CSNK2A2: variants seen among roughly 807,000 people sequenced by gnomAD.
The protein encoded by CSNK2A2 is casein kinase 2 alpha 2, also known as casein kinase II subunit alpha'.
A neutral mutation model predicts 54.0 loss-of-function variants in CSNK2A2; 8 were observed. The observed-to-expected ratio is 0.15, with a 90% CI of 0.09 to 0.27. The LOEUF is 0.27. CSNK2A2 is among the 10% of genes least tolerant of loss of function. CSNK2A2 has a pLI of 1.00. For missense variants in CSNK2A2, 242 were observed against 439.4 expected (o/e 0.55, Z 4.02); for synonymous variants, 141 against 153.9 (o/e 0.92, Z 0.62).
intron 4 of CSNK2A2, among the ~76,000 whole-genome samples, chr16:58,176,938 T>C (rs1007099727): frequency 2.6e-5 from 4 of 152,210 alleles, no homozygotes; most frequent in Non-Finnish European, 5.9e-5. Context: ...CTGTGCTTCG[T>C]GGCATACACA....
rs1962521928 is a variant in CSNK2A2 at position 58,197,996 on chromosome 16, G to C, written c.-260C>G. 1.4e-5 allele frequency: 2 copies of C among 145,360 alleles called. No homozygotes were observed. The highest frequency in any genetic ancestry group is 5.0e-5 in the African/African-American group (2 of 40,338). The allele number at this position is 145,360 out of a possible 1,614,324, so 9.0% of individuals were successfully genotyped here. On this transcript the variant is annotated 5_prime_UTR_variant, in exon 1 of 12. Coordinates refer to ENST00000262506, the MANE Select transcript of CSNK2A2 (RefSeq NM_001896.4). The surrounding 1 kb of genome is among the most constrained non-coding windows in gnomAD (Gnocchi z 4.0). ...GCGGGCGGCGCTCGCGCTCCGCGGC[G>C]GTCTCCGCTCGGCTCGCGGCCCCCA...
chr16:58,191,517 A>G (rs1962321101), intron 2 of CSNK2A2, among the ~76,000 whole-genome samples: 1 of 151,978 alleles, frequency 6.6e-6, no homozygotes, highest in Non-Finnish European at 1.5e-5. Context: ...ACCCGCCACC[A>G]TGGCCAACTA....
At chr16:58,168,087 T>C (rs1961618480) in intron 6 of CSNK2A2, among the ~76,000 whole-genome samples, 1 of 152,162 alleles carries the variant, frequency 6.6e-6, no homozygotes, top group African/African-American at 2.4e-5. Flanking sequence ...GCAGTTACAC[T>C]TGGTAACACA....
intron 2 of CSNK2A2, among the ~76,000 whole-genome samples, chr16:58,188,226 C>A (rs1962240654): frequency 6.6e-6 from 1 of 152,230 alleles, no homozygotes; most frequent in South Asian, 2.1e-4. Flanking sequence ...TCGCTGCGTC[C>A]TTGTGAGCCA....
intron 6 of CSNK2A2, among the ~76,000 whole-genome samples, chr16:58,168,185 T>A (rs16959755): frequency 3.3e-5 from 5 of 151,950 alleles, no homozygotes; most frequent in Admixed American, 2.6e-4. Flanking sequence ...GACTGAAGCA[T>A]TGCTCTAATG....
intron 11 of CSNK2A2, chr16:58,160,444 G>C (rs906784486): frequency 6.6e-6 from 1 of 152,164 alleles, no homozygotes; most frequent in Non-Finnish European, 1.5e-5. Context: ...ATCTATTTCA[G>C]TTCATATAAA....
At chr16:58,159,961 C>T (rs1182460747) in intron 11 of CSNK2A2, 1 of 152,132 alleles carries the variant, frequency 6.6e-6, no homozygotes, top group Non-Finnish European at 1.5e-5. Context: ...TTAAGTATCA[C>T]ATTTGTAGCA....
Position 58,181,857 on chromosome 16 carries a change from G to C in CSNK2A2, c.369+2403C>G, listed in dbSNP as rs540811200. On this transcript the variant is annotated intron_variant, in intron 4 of 11. Transcript: ENST00000262506. ...GAAGGCACGTCATTGTGAAATTTCA[G>C]AAGAGTGCAAATGAGAAAATCCTAA... is the stretch of plus-strand genomic sequence containing the variant. Among the ~76,000 whole-genome samples, 10 of 152,188 alleles carry C rather than the reference G, an allele frequency of 6.6e-5. No homozygotes were observed. In the South Asian group the frequency reaches 2.1e-3, roughly 32 times the overall value.
At chr16:58,182,387 A>C (rs1371042926) in intron 4 of CSNK2A2, among the ~76,000 whole-genome samples, 106 of 143,540 alleles carry the variant, frequency 7.4e-4, no homozygotes, top group African/African-American at 2.5e-3. Flanking sequence ...AAAAAAAAAA[A>C]AAAAAAAAAA....
chr16:58,163,917 T>C (rs1961481873), intron 11 of CSNK2A2, 137 bp downstream of exon 11: 7 of 663,736 alleles, frequency 1.1e-5, no homozygotes, highest in Non-Finnish European at 1.7e-5. Flanking sequence ...TTCTTGCTTT[T>C]TGACAGACTT....
chr16:58,167,852 T>C, intron 6 of CSNK2A2, 57 bp from the exon 7 acceptor site: 1 of 1,324,878 alleles, frequency 7.5e-7, no homozygotes, highest in East Asian at 2.3e-5. Context: ...GCCTATGCCT[T>C]AGAACAAGGC....
intron 5 of CSNK2A2, among the ~76,000 whole-genome samples, chr16:58,170,628 T>A (rs1961708778): frequency 6.6e-6 from 1 of 152,138 alleles, no homozygotes; most frequent in Admixed American, 6.5e-5. Flanking sequence ...CTCCACATTC[T>A]CATCAACACC....
intron 3 of CSNK2A2, 94 bp downstream of exon 3, chr16:58,186,661 C>T: frequency 2.4e-6 from 2 of 840,684 alleles, no homozygotes; most frequent in Non-Finnish European, 3.8e-6. Context: ...ACCACCATCC[C>T]CACTGTATCA....
Position 58,179,526 on chromosome 16 carries a change from G to A in CSNK2A2, c.369+4734C>T, listed in dbSNP as rs549375214. 4.0e-5 allele frequency among the ~76,000 whole-genome samples: 6 copies of A among 151,808 alleles called. No homozygotes were observed. The East Asian group carries it at 1.2e-3, about 29-fold the overall frequency. The stretch of plus-strand genomic sequence containing the variant: ...AAAAAAAAAAAAGAAAGAAAAGAGA[G>A]GGTGAGGGGACAGGGAGAAAAATAA... On this transcript the variant is annotated intron_variant, in intron 4 of 11. Transcript: ENST00000262506.
intron 2 of CSNK2A2, among the ~76,000 whole-genome samples, chr16:58,187,733 A>T: frequency 6.6e-6 from 1 of 152,256 alleles, no homozygotes; most frequent in East Asian, 1.9e-4. Context: ...TTAGTAATTT[A>T]TTATTTAATA....
At position 58,163,931 on chromosome 16, in the gene CSNK2A2, G is replaced by A. The variant is rs546731886; in HGVS notation, c.*17+123C>T. On this transcript the variant is annotated intron_variant, in intron 11 of 11. Coordinates refer to ENST00000262506, the MANE Select transcript of CSNK2A2 (RefSeq NM_001896.4). ...TTTCTTGCTTTTTGACAGACTTTTA[G>A]GTCTTTACTCTTCTGTGCATTTAGA... 3.2e-4 allele frequency: 242 copies of A among 747,896 alleles called. 2 individuals are homozygous for A. The East Asian group carries it at 6.5e-3, about 20-fold the overall frequency. The allele number at this position is 747,896 out of a possible 1,614,324, so 46.3% of individuals were successfully genotyped here. A position where few individuals can be genotyped will look rare whatever the true frequency, so the allele number is the denominator to read the frequency against.
At chr16:58,179,956 G>A (rs1350298758) in intron 4 of CSNK2A2, among the ~76,000 whole-genome samples, 1 of 151,784 alleles carries the variant, frequency 6.6e-6, no homozygotes, top group Non-Finnish European at 1.5e-5. Context: ...GCACACGCCT[G>A]TAATCCCAGC....
intron 2 of CSNK2A2, among the ~76,000 whole-genome samples, chr16:58,189,457 A>G (rs1234902328): frequency 6.6e-6 from 1 of 152,172 alleles, no homozygotes; most frequent in Non-Finnish European, 1.5e-5. Context: ...CAGTACTCCT[A>G]ACTCCTTACA....
chr16:58,176,642 C>T (rs1275523948), intron 4 of CSNK2A2, among the ~76,000 whole-genome samples: 1 of 152,142 alleles, frequency 6.6e-6, no homozygotes, highest in Admixed American at 6.5e-5. Flanking sequence ...AAAACAAGCC[C>T]GTGTTTGCTG....
Sources: allele counts gnomAD v4.1 joint callset (sites outside exome capture counted in the v4.1 genomes callset), GRCh38; gene constraint gnomAD v4.1.1; non-coding constraint Gnocchi (gnomAD v3.1); transcripts MANE v1.5; gene names NCBI Gene and HGNC (gene_info 2026-07-23, HGNC 2026-07-21).